CTNNBL1: variants seen among roughly 807,000 people sequenced by gnomAD.
CTNNBL1 encodes the protein catenin beta like 1.
Under a neutral mutation model 72.7 loss-of-function variants are expected in CTNNBL1, and 31 were observed. The ratio of observed to expected loss-of-function variants is 0.43; its 90% CI spans 0.32 to 0.58. The LOEUF (loss-of-function observed/expected upper bound fraction) is 0.58. Among genes scored for constraint, CTNNBL1 ranks in the 20% least tolerant of loss-of-function variants. The pLI is 0.08. For synonymous variants in CTNNBL1, 240 were observed against 267.3 expected (o/e 0.90, Z 1.00); for missense variants, 534 against 725.1 (o/e 0.74, Z 3.03).
intron 10 of CTNNBL1, among the ~76,000 whole-genome samples, chr20:37,782,602 GA>G (rs1397756686): frequency 2.6e-5 from 4 of 151,996 alleles, no homozygotes; most frequent in African/African-American, 9.7e-5. Flanking sequence ...AGGGTTAAAA[GA>G]AACAAAAATA....
intron 1 of CTNNBL1, among the ~76,000 whole-genome samples, chr20:37,725,749 C>T (rs890477157): frequency 3.3e-5 from 5 of 151,448 alleles, no homozygotes; most frequent in Admixed American, 2.6e-4. Flanking sequence ...TTTGGGAGAC[C>T]GAGGCAGGCT....
intron 13 of CTNNBL1, among the ~76,000 whole-genome samples, chr20:37,848,847 A>G (rs1464993271): frequency 6.6e-6 from 1 of 151,600 alleles, no homozygotes; most frequent in Non-Finnish European, 1.5e-5. Context: ...GATTGGGGCT[A>G]AGTGCCAGGG....
chr20:37,727,053 G>A (rs541945518), intron 1 of CTNNBL1, among the ~76,000 whole-genome samples: 2 of 152,078 alleles, frequency 1.3e-5, no homozygotes, highest in African/African-American at 2.4e-5. Context: ...TTTAGGATTC[G>A]TTCTGGTGAT....
At chr20:37,806,032 A>G (rs2071957018) in intron 11 of CTNNBL1, among the ~76,000 whole-genome samples, 1 of 152,234 alleles carries the variant, frequency 6.6e-6, no homozygotes, top group Non-Finnish European at 1.5e-5. Context: ...GATGGTTGTC[A>G]GTCAGTCATA....
At chr20:37,815,051 C>T (rs1264225506) in intron 11 of CTNNBL1, among the ~76,000 whole-genome samples, 1 of 150,404 alleles carries the variant, frequency 6.6e-6, no homozygotes, top group African/African-American at 2.5e-5. Context: ...ACCATCCATT[C>T]AAACACTATG....
intron 10 of CTNNBL1, among the ~76,000 whole-genome samples, chr20:37,799,921 A>G (rs889166167): frequency 1.3e-5 from 2 of 152,160 alleles, no homozygotes; most frequent in African/African-American, 4.8e-5. Flanking sequence ...GAACAGTCCT[A>G]AGTAAACCAG....
chr20:37,754,997 A>G (rs2073351447), intron 4 of CTNNBL1, among the ~76,000 whole-genome samples: 1 of 151,932 alleles, frequency 6.6e-6, no homozygotes, highest in South Asian at 2.1e-4. Flanking sequence ...TAGTAGAGAC[A>G]GGTTTCACCA....
At chr20:37,845,623 G>A (rs1207940446) in intron 13 of CTNNBL1, among the ~76,000 whole-genome samples, 2 of 152,296 alleles carry the variant, frequency 1.3e-5, no homozygotes, top group Admixed American at 6.5e-5. Context: ...AGATGAAGCC[G>A]CCTCACAGGT....
chr20:37,851,317 CT>C (rs918841289), intron 13 of CTNNBL1, among the ~76,000 whole-genome samples: 104 of 146,392 alleles, frequency 7.1e-4, no homozygotes, highest in East Asian at 2.0e-3. Context: ...GTATCTCTCT[CT>C]TTTTTTTTTT....
intron 1 of CTNNBL1, among the ~76,000 whole-genome samples, chr20:37,710,551 C>T (rs746342912): frequency 2.0e-5 from 3 of 152,114 alleles, no homozygotes; most frequent in African/African-American, 2.4e-5. Context: ...TGCTTTTCCT[C>T]TAGCATCTCT....
chr20:37,716,009 A>T (rs2072983451), intron 1 of CTNNBL1, among the ~76,000 whole-genome samples: 1 of 147,478 alleles, frequency 6.8e-6, no homozygotes, highest in Non-Finnish European at 1.5e-5. Context: ...TTTTTTTTTT[A>T]AAGGCAACCA....
rs556967886 is a variant in CTNNBL1, at chr20:37,721,217, A to G, written c.31-11662A>G. On this transcript the variant is annotated intron_variant, in intron 1 of 15. Transcript: ENST00000361383. ...CCAGACCCTCTGCTATCCCGCTCAT[A>G]TATTCCCCTGTTGGTAGTGTCTCTT... 3.9e-5 allele frequency among the ~76,000 whole-genome samples: 6 copies of G among 152,266 alleles called. No homozygotes were observed. The South Asian group carries it at 1.0e-3, about 26-fold the overall frequency.
At chr20:37,774,405 G>T (rs1336471529) in intron 7 of CTNNBL1, among the ~76,000 whole-genome samples, 2 of 152,162 alleles carry the variant, frequency 1.3e-5, no homozygotes, top group Non-Finnish European at 2.9e-5. Context: ...CTGCTTCTCA[G>T]CTGGCACTGC....
At chr20:37,736,075 C>A (rs1313276844) in intron 2 of CTNNBL1, among the ~76,000 whole-genome samples, 1 of 152,076 alleles carries the variant, frequency 6.6e-6, no homozygotes, top group African/African-American at 2.4e-5. Flanking sequence ...AGGTATTATT[C>A]CAATGTATGA....
chr20:37,837,273 A>T (rs977859590), intron 11 of CTNNBL1, among the ~76,000 whole-genome samples: 1 of 152,052 alleles, frequency 6.6e-6, no homozygotes, highest in African/African-American at 2.4e-5. Flanking sequence ...TCTTCCTGTG[A>T]AGGCAGGGCC....
At chr20:37,845,009 G>A (rs2072335625) in intron 13 of CTNNBL1, among the ~76,000 whole-genome samples, 1 of 152,170 alleles carries the variant, frequency 6.6e-6, no homozygotes, top group African/African-American at 2.4e-5. Flanking sequence ...ATAAAGTATA[G>A]AAAGTACTTT....
intron 1 of CTNNBL1, among the ~76,000 whole-genome samples, chr20:37,697,912 G>A (rs989294211): frequency 2.6e-5 from 4 of 152,120 alleles, no homozygotes; most frequent in Admixed American, 6.5e-5. Context: ...GCTTTGCTTC[G>A]TGATCATAAA....
chr20:37,707,847 A>C (rs2122553067), intron 1 of CTNNBL1, among the ~76,000 whole-genome samples: 1 of 152,268 alleles, frequency 6.6e-6, no homozygotes, highest in East Asian at 1.9e-4. Flanking sequence ...TCTTTCTTTC[A>C]CTTGAACACT....
At chr20:37,843,534 C>T (rs576829568) in intron 13 of CTNNBL1, among the ~76,000 whole-genome samples, 105 of 152,338 alleles carry the variant, frequency 6.9e-4, no homozygotes, top group African/African-American at 2.4e-3. Flanking sequence ...CACTTCTTAT[C>T]CACCTCTTCC....
Sources: gnomAD v4.1 joint callset for allele counts (sites outside exome capture counted in the v4.1 genomes callset) on GRCh38, gnomAD v4.1.1 for gene constraint, MANE v1.5 for transcripts, NCBI Gene and HGNC (gene_info 2026-07-23, HGNC 2026-07-21) for gene names.